NUP210L: variants seen among roughly 807,000 people sequenced by gnomAD.
NUP210L encodes nuclear pore membrane glycoprotein 210-like.
A neutral mutation model predicts 208.5 loss-of-function variants in NUP210L; 74 were observed. The observed-to-expected ratio is 0.35, with a 90% CI of 0.29 to 0.43. The LOEUF (loss-of-function observed/expected upper bound fraction) is 0.43, where lower values mean the gene tolerates loss of function less well. Ranked by LOEUF, NUP210L falls within the 20% of genes least tolerant of loss-of-function variation. The probability of loss-of-function intolerance (pLI) is 1.00; values close to 1 mark genes in which losing one functional copy is unlikely to be tolerated. For missense variants in NUP210L, 1,843 were observed against 2,289.4 expected (o/e 0.81, Z 3.98); for synonymous variants, 780 against 816.9 (o/e 0.95, Z 0.77).
rs561547198 is a variant in NUP210L at position 154,068,573 on chromosome 1, G to A, written c.2554+1700C>T. Among the ~76,000 whole-genome samples, 37 of 152,158 alleles carry A rather than the reference G, an allele frequency of 2.4e-4. No individual in the cohort carries two copies. In the South Asian group the frequency reaches 4.4e-3, roughly 18 times the overall value. On this transcript the variant is annotated intron_variant, in intron 17 of 39. Coordinates refer to ENST00000368559, the Ensembl canonical transcript of NUP210L. ...TGGGCGCCTGTAGTCCCAGCTACTCGGGAGGCTGAGGCAGGAGAATGGCGT... is the reference window on the plus strand; with the variant it reads ...TGGGCGCCTGTAGTCCCAGCTACTCAGGAGGCTGAGGCAGGAGAATGGCGT...
At chr1:154,019,250 A>G (rs536673532) in intron 32 of NUP210L, among the ~76,000 whole-genome samples, 181 bp from the exon 33 acceptor site, 54 of 152,340 alleles carry the variant, frequency 3.5e-4, no homozygotes, top group African/African-American at 1.2e-3. Context: ...TCATGCCAGC[A>G]AAATAAAGAA....
intron 12 of NUP210L, among the ~76,000 whole-genome samples, chr1:154,112,947 A>C (rs1657115293): frequency 6.6e-6 from 1 of 151,654 alleles, no homozygotes; most frequent in Non-Finnish European, 1.5e-5. Context: ...ACCTGAGGTC[A>C]GGAGTTTGAG....
intron 20 of NUP210L, 45 bp downstream of exon 20, chr1:154,060,495 G>T (rs1341321766): frequency 2.5e-6 from 3 of 1,200,404 alleles, no homozygotes; most frequent in Admixed American, 4.1e-5. Context: ...CTCAGAATGA[G>T]CTTTGGCCTG....
intron 6 of NUP210L, among the ~76,000 whole-genome samples, chr1:154,136,919 CA>C (rs11374907): frequency 0.016 from 977 of 62,932 alleles, 5 homozygotes; most frequent in African/African-American, 0.061. Flanking sequence ...GAATCCATCT[CA>C]AAAAAAAAAA....
At chr1:154,024,037 G>A (rs1051258855) in intron 30 of NUP210L, among the ~76,000 whole-genome samples, 7 of 150,592 alleles carry the variant, frequency 4.6e-5, no homozygotes, top group African/African-American at 1.7e-4. Flanking sequence ...GATCCACCCG[G>A]CTCGGCCTCC....
At chr1:153,996,731 T>G (rs1649891016) in intron 37 of NUP210L, among the ~76,000 whole-genome samples, 1 of 152,130 alleles carries the variant, frequency 6.6e-6, no homozygotes, top group South Asian at 2.1e-4. Context: ...AAAACTTTTT[T>G]TTAAGATCAT....
chr1:154,082,749 C>T lies in NUP210L; in HGVS notation c.2361+6672G>A, dbSNP rs891405552. 4.6e-5 allele frequency among the ~76,000 whole-genome samples: 7 copies of T among 152,330 alleles called. No homozygotes were observed. In the South Asian group the frequency reaches 1.4e-3, roughly 32 times the overall value. ...GTTCCTTCAGATGCGTCCAGAGTTT[C>T]TTCCTTCTGGTGGGTTCCTGGTCTC... On this transcript the variant is annotated intron_variant, in intron 16 of 39. Coordinates refer to ENST00000368559, the Ensembl canonical transcript of NUP210L.
exon 22 of NUP210L, chr1:154,058,168 A>G: frequency 6.2e-7 from 1 of 1,614,124 alleles, no homozygotes; most frequent in Non-Finnish European, 8.5e-7. Flanking sequence ...GGGCGTTTGG[A>G]AGAGCCAAGA....
intron 12 of NUP210L, among the ~76,000 whole-genome samples, chr1:154,105,351 G>C (rs764470894): frequency 1.3e-5 from 2 of 152,120 alleles, no homozygotes; most frequent in Admixed American, 6.6e-5. Context: ...TTAGCTGGGC[G>C]TGGTGGCGGG....
intron 23 of NUP210L, among the ~76,000 whole-genome samples, chr1:154,055,144 TTTCTTTCTTTC>T (rs1653768015): frequency 8.4e-6 from 1 of 118,598 alleles, no homozygotes; most frequent in African/African-American, 2.8e-5. Flanking sequence ...TCTTTCTTTC[TTTCTTTCTTTC>T]TTTCTTTCTT....
intron 11 of NUP210L, among the ~76,000 whole-genome samples, 179 bp downstream of exon 11, chr1:154,118,492 C>A (rs1250467560): frequency 6.6e-6 from 1 of 152,172 alleles, no homozygotes; most frequent in Non-Finnish European, 1.5e-5. Flanking sequence ...CAGAAAGCAT[C>A]TGTAACCAAG....
intron 11 of NUP210L, 102 bp downstream of exon 11, chr1:154,118,569 T>C (rs1657450257): frequency 3.4e-6 from 3 of 892,134 alleles, no homozygotes; most frequent in African/African-American, 1.7e-5. Context: ...GTTATACTTT[T>C]AGGATTGGGA....
intron 2 of NUP210L, 135 bp from the exon 3 acceptor site, chr1:154,143,712 A>G: frequency 3.1e-6 from 2 of 655,522 alleles, no homozygotes; most frequent in South Asian, 5.5e-5. Flanking sequence ...ATGGAAGAAA[A>G]TAGCATAATA....
At chr1:154,138,354 A>G in intron 5 of NUP210L, 116 bp from the exon 6 acceptor site, 2 of 913,760 alleles carry the variant, frequency 2.2e-6, no homozygotes, top group Non-Finnish European at 3.1e-6. Context: ...TTTTATAAAG[A>G]TTTTTTTAAA....
At chr1:154,138,556 C>A (rs1451368778) in intron 5 of NUP210L, among the ~76,000 whole-genome samples, 2 of 152,266 alleles carry the variant, frequency 1.3e-5, no homozygotes, top group Non-Finnish European at 2.9e-5. Flanking sequence ...CACAGAAATT[C>A]TTTTAGCCAA....
At chr1:153,999,315 G>A (rs1393160304) in intron 37 of NUP210L, among the ~76,000 whole-genome samples, 1 of 152,152 alleles carries the variant, frequency 6.6e-6, no homozygotes, top group East Asian at 1.9e-4. Flanking sequence ...ATCCAATGTG[G>A]CATTATTTCT....
chr1:154,021,247 T>A lies in NUP210L; in HGVS notation c.4516+879A>T, dbSNP rs536014569. ...GGGCCACCGCACCTGGCTTATGATT[T>A]TATTTTTAACTCAGTACTTAGGACA... is the stretch of plus-strand genomic sequence containing the variant. On this transcript the variant is annotated intron_variant, in intron 32 of 39. Transcript: ENST00000368559. 2.6e-5 allele frequency among the ~76,000 whole-genome samples: 4 copies of A among 152,348 alleles called. No homozygotes were observed. The East Asian group carries it at 7.7e-4, about 29-fold the overall frequency.
At chr1:154,018,222 T>C (rs1651368965) in intron 33 of NUP210L, among the ~76,000 whole-genome samples, 1 of 152,154 alleles carries the variant, frequency 6.6e-6, no homozygotes. Context: ...TCCTCCCACT[T>C]TGGCTTCCCA....
rs367799595 is a variant in NUP210L, at chr1:154,035,461, G to A, written c.3697-5407C>T. Among the ~76,000 whole-genome samples the A allele has an allele frequency of 2.7e-5, 4 of 150,260 alleles. No individual in the cohort carries two copies. The East Asian group carries it at 5.9e-4, about 22-fold the overall frequency. The stretch of plus-strand genomic sequence containing the variant: ...TGCCCAGGCTGGAGTGCAATGGCGC[G>A]ATCTTGGATCACTGCAACCTCCACC... On this transcript the variant is annotated intron_variant, in intron 27 of 39. Transcript: ENST00000368559.
Sources: gnomAD v4.1 joint callset for allele counts (sites outside exome capture counted in the v4.1 genomes callset) on GRCh38, gnomAD v4.1.1 for gene constraint, MANE v1.5 for transcripts, NCBI Gene and HGNC (gene_info 2026-07-23, HGNC 2026-07-21) for gene names.